The following CNTNAP3 variants were observed in gnomAD, a reference collection of about 807,000 sequenced individuals.
The protein encoded by CNTNAP3 is contactin-associated protein-like 3.
Under a neutral mutation model 92.1 loss-of-function variants are expected in CNTNAP3, and 36 were observed. The ratio of observed to expected loss-of-function variants is 0.39; its 90% CI spans 0.30 to 0.52. The LOEUF (loss-of-function observed/expected upper bound fraction) is 0.52. CNTNAP3 is among the 20% of genes least tolerant of loss of function. The pLI, the probability that CNTNAP3 is intolerant of heterozygous loss-of-function variation, is 0.76. For synonymous variants in CNTNAP3, 232 were observed against 422.3 expected (o/e 0.55, Z 5.53); for missense variants, 534 against 1,069.6 (o/e 0.50, Z 6.98).
At chr9:39,179,318 C>CACAA (rs1822405813) in intron 4 of CNTNAP3, among the ~76,000 whole-genome samples, 1 of 132,530 alleles carries the variant, frequency 7.5e-6, no homozygotes, top group South Asian at 2.4e-4. Flanking sequence ...CACACACACA[C>CACAA]ACACACACAC....
Position 39,118,270 on chromosome 9 carries a change from A to G in CNTNAP3, c.2081-11T>C. On this transcript the variant is annotated splice_polypyrimidine_tract_variant and intron_variant, in intron 13 of 23. Coordinates refer to ENST00000297668, the MANE Select transcript of CNTNAP3 (RefSeq NM_033655.5). ...TCAGTGGGGTTCCATCTGAAAGACAAGTATAAGAAACATGACATCTACTTT... is the reference window on the plus strand; with the variant it reads ...TCAGTGGGGTTCCATCTGAAAGACAGGTATAAGAAACATGACATCTACTTT... The G allele has an allele frequency of 6.2e-7, 1 of 1,613,090 alleles. No homozygotes were observed. Among genetic ancestry groups the G allele is most frequent in the East Asian group, 2.2e-5 (1 of 44,876 alleles).
At chr9:39,106,313 T>A (rs1216435897) in intron 15 of CNTNAP3, among the ~76,000 whole-genome samples, 1 of 152,152 alleles carries the variant, frequency 6.6e-6, no homozygotes, top group African/African-American at 2.4e-5. Flanking sequence ...ATTTTAGAGA[T>A]GAGGTCTCAC....
chr9:39,118,388 C>CTT, intron 13 of CNTNAP3, 129 bp from the exon 14 acceptor site: 1 of 1,315,250 alleles, frequency 7.6e-7, no homozygotes, highest in Admixed American at 2.6e-5. Context: ...TGAAACTATA[C>CTT]TTAAATACTT....
rs144254810 is a variant in CNTNAP3, at chr9:39,150,014, C to G, written c.1478-37G>C. The G allele has an allele frequency of 8.7e-4, 1,400 of 1,605,608 alleles. 9 individuals are homozygous for G. The African/African-American group carries it at 0.016, about 19-fold the overall frequency. ...GACAAAAATAGGACAAAAGCAACAA[C>G]TATGACAAAACTATTCCACAGTATT... is the stretch of plus-strand genomic sequence containing the variant. On this transcript the variant is annotated intron_variant, in intron 9 of 23. Transcript: ENST00000297668.
intron 15 of CNTNAP3, chr9:39,106,511 C>T (rs1443122686): frequency 6.6e-6 from 1 of 152,128 alleles, no homozygotes. Context: ...GTGTTGAACT[C>T]CTAGGCTCAA....
chr9:39,084,353 C>T (rs1288508681), intron 21 of CNTNAP3, among the ~76,000 whole-genome samples: 5 of 151,858 alleles, frequency 3.3e-5, no homozygotes, highest in East Asian at 1.9e-4. Flanking sequence ...CCACCATGCC[C>T]GGCTAATTTT....
intron 21 of CNTNAP3, among the ~76,000 whole-genome samples, chr9:39,084,116 T>G (rs948670110): frequency 1.3e-5 from 2 of 151,636 alleles, no homozygotes; most frequent in African/African-American, 4.9e-5. Flanking sequence ...GTGAGTGTAG[T>G]GAGGGTGGGT....
At chr9:39,107,505 A>T (rs888446239) in intron 15 of CNTNAP3, among the ~76,000 whole-genome samples, 11 of 152,210 alleles carry the variant, frequency 7.2e-5, no homozygotes, top group Non-Finnish European at 1.5e-4. Flanking sequence ...AATAATATAA[A>T]AACCAATTCA....
chr9:39,150,011 C>G, intron 9 of CNTNAP3, 34 bp from the exon 10 acceptor site: 1 of 1,606,294 alleles, frequency 6.2e-7, no homozygotes, highest in Non-Finnish European at 8.5e-7. Flanking sequence ...ACAAAAGCAA[C>G]AACTATGACA....
intron 13 of CNTNAP3, among the ~76,000 whole-genome samples, chr9:39,132,300 G>A (rs1191155947): frequency 1.3e-5 from 2 of 152,072 alleles, no homozygotes; most frequent in African/African-American, 4.8e-5. Context: ...GGGGGAAGTT[G>A]GTCTTTAACT....
intron 12 of CNTNAP3, among the ~76,000 whole-genome samples, chr9:39,136,096 T>A (rs2118067795): frequency 6.6e-6 from 1 of 151,108 alleles, no homozygotes; most frequent in Admixed American, 6.6e-5. Context: ...GCCACTGTAC[T>A]CCAGCCTGGG....
chr9:39,132,942 C>A lies in CNTNAP3; in HGVS notation c.2070G>T (p.Pro690=). 1 of 1,545,160 alleles carries A rather than the reference C, an allele frequency of 6.5e-7. No homozygotes were observed. Among genetic ancestry groups the A allele is most frequent in the Non-Finnish European group, 8.7e-7 (1 of 1,155,482 alleles). ...LALRCGTARR[P]DSRDGTPLSW... ...AGGAGTGGCGCTTACCTCGTGAGTC[C>A]GGGCGCCGCGCCGTCCCGCAGCGCA... Residue 690 remains proline (P), a synonymous_variant, in exon 13 of 24, where the codon CCG becomes CCT. Transcript: ENST00000297668.
At chr9:39,122,497 C>T (rs1587718976) in intron 13 of CNTNAP3, among the ~76,000 whole-genome samples, 1 of 152,006 alleles carries the variant, frequency 6.6e-6, no homozygotes, top group East Asian at 1.9e-4. Context: ...AATTTTAGAC[C>T]CTATTTAAGA....
At position 39,068,227 on chromosome 9, in the gene CNTNAP3, G is replaced by T. The variant is rs1825553850; in HGVS notation, c.*5663C>A. 6.9e-6 allele frequency among the ~76,000 whole-genome samples: 1 copy of T among 145,380 alleles called. No homozygotes were observed. Among genetic ancestry groups the T allele is most frequent in the South Asian group, 2.1e-4 (1 of 4,704 alleles). On this transcript the variant is annotated 3_prime_UTR_variant, in exon 24 of 24. Coordinates refer to ENST00000297668, the MANE Select transcript of CNTNAP3 (RefSeq NM_033655.5). ...ATCCTGGCTAACACGGTGAAACCTT[G>T]CCTCCACTAAAAATACAAAAAAAAA... is the stretch of plus-strand genomic sequence containing the variant.
intron 12 of CNTNAP3, among the ~76,000 whole-genome samples, chr9:39,133,735 G>A (rs1194272710): frequency 6.6e-6 from 1 of 151,830 alleles, no homozygotes; most frequent in Non-Finnish European, 1.5e-5. Context: ...CATTTCTGAT[G>A]TATCTCTGTC....
chr9:39,110,588 C>T (rs936107454), intron 14 of CNTNAP3, among the ~76,000 whole-genome samples: 11 of 152,032 alleles, frequency 7.2e-5, no homozygotes, highest in Non-Finnish European at 1.5e-4. Context: ...CGTCTGGGTC[C>T]AATACAAAGA....
chr9:39,108,293 G>A (rs561500124), intron 15 of CNTNAP3, among the ~76,000 whole-genome samples: 2 of 151,890 alleles, frequency 1.3e-5, no homozygotes, highest in Non-Finnish European at 2.9e-5. Context: ...TCTGGGGAGT[G>A]AGTACGCATC....
At chr9:39,103,721 C>A in intron 16 of CNTNAP3, 23 bp downstream of exon 16, 3 of 1,604,800 alleles carry the variant, frequency 1.9e-6, no homozygotes, top group Non-Finnish European at 2.5e-6. Flanking sequence ...TACCCTGTGA[C>A]TTGTCCAGAG....
At chr9:39,095,080 T>A (rs1296602874) in intron 18 of CNTNAP3, among the ~76,000 whole-genome samples, 2 of 151,688 alleles carry the variant, frequency 1.3e-5, no homozygotes, top group Non-Finnish European at 3.0e-5. Context: ...CTAAGTTTTT[T>A]ATTCTTTTTG....
Sources: gnomAD v4.1 joint callset for allele counts (sites outside exome capture counted in the v4.1 genomes callset) on GRCh38, gnomAD v4.1.1 for gene constraint, MANE v1.5 for transcripts, NCBI Gene and HGNC (gene_info 2026-07-23, HGNC 2026-07-21) for gene names.